Variants in CNTNAP2 observed in about 807,000 individuals in gnomAD.
CNTNAP2 encodes the protein contactin associated protein 2, also known as contactin-associated protein-like 2.
A neutral mutation model predicts 155.2 loss-of-function variants in CNTNAP2; 98 were observed. The observed-to-expected ratio is 0.63, with a 90% CI of 0.54 to 0.75. CNTNAP2 has a LOEUF of 0.75. CNTNAP2 is among the 30% of genes least tolerant of loss of function. The pLI is 0.00. For missense variants in CNTNAP2, 1,727 were observed against 1,688.1 expected (o/e 1.02, Z -0.40); for synonymous variants, 651 against 631.2 (o/e 1.03, Z -0.47).
intron 9 of CNTNAP2, among the ~76,000 whole-genome samples, chr7:147,362,482 C>T (rs73740611): frequency 6.6e-6 from 1 of 152,146 alleles, no homozygotes; most frequent in South Asian, 2.1e-4. Flanking sequence ...CACATAATGT[C>T]ACTTCCACCA....
intron 1 of CNTNAP2, among the ~76,000 whole-genome samples, chr7:146,725,347 G>A (rs781499409): frequency 1.3e-5 from 2 of 152,158 alleles, no homozygotes; most frequent in Non-Finnish European, 2.9e-5. Flanking sequence ...AATTATGGCA[G>A]TGAAAGAGAT....
chr7:146,849,439 C>T lies in CNTNAP2; in HGVS notation c.402+9535C>T, dbSNP rs187861331. Among the ~76,000 whole-genome samples the T allele has an allele frequency of 2.0e-5, 3 of 152,236 alleles. No individual in the cohort carries two copies. The East Asian group carries it at 5.8e-4, about 29-fold the overall frequency. On this transcript the variant is annotated intron_variant, in intron 3 of 23. Coordinates refer to ENST00000361727, the MANE Select transcript of CNTNAP2 (RefSeq NM_014141.6). Reference sequence around the variant, plus strand: ...CAAGAAGTTCCATTACTATAATGAACCCCTGCTCATTTTGAGTAATTGAAA... The same window carrying T: ...CAAGAAGTTCCATTACTATAATGAATCCCTGCTCATTTTGAGTAATTGAAA...
intron 1 of CNTNAP2, among the ~76,000 whole-genome samples, chr7:146,631,507 G>C (rs1350565704): frequency 6.6e-6 from 1 of 152,120 alleles, no homozygotes; most frequent in African/African-American, 2.4e-5. Context: ...CCTCTTCCAT[G>C]TGAGAGCCTT....
chr7:148,246,811 T>A (rs961423156), intron 20 of CNTNAP2, among the ~76,000 whole-genome samples: 36 of 152,340 alleles, frequency 2.4e-4, no homozygotes, highest in African/African-American at 7.7e-4. Context: ...TGCAGTTTCA[T>A]TTATTTAAAA....
At chr7:146,795,861 G>A (rs1380041880) in intron 2 of CNTNAP2, among the ~76,000 whole-genome samples, 1 of 152,178 alleles carries the variant, frequency 6.6e-6, no homozygotes, top group Non-Finnish European at 1.5e-5. Flanking sequence ...CAGAGAAGCA[G>A]TGTGTATTGT....
intron 4 of CNTNAP2, 152 bp from the exon 5 acceptor site, chr7:147,107,995 A>C (rs191610852): frequency 2.9e-6 from 2 of 683,960 alleles, no homozygotes; most frequent in Non-Finnish European, 4.9e-6. Flanking sequence ...AAACACAGTA[A>C]ATCAAAAGAA....
At chr7:148,171,584 T>C (rs1290747781) in intron 17 of CNTNAP2, among the ~76,000 whole-genome samples, 1 of 152,224 alleles carries the variant, frequency 6.6e-6, no homozygotes, top group Non-Finnish European at 1.5e-5. Context: ...ACAGTGAACG[T>C]GCTTATTGTG....
chr7:147,564,187 T>A (rs541257005), intron 12 of CNTNAP2, among the ~76,000 whole-genome samples: 2 of 151,948 alleles, frequency 1.3e-5, no homozygotes, highest in East Asian at 3.9e-4. Context: ...AAAATAGAAA[T>A]AAAAAAATAA....
intron 1 of CNTNAP2, among the ~76,000 whole-genome samples, chr7:146,406,483 C>G (rs1462123182): frequency 6.6e-6 from 1 of 152,124 alleles, no homozygotes; most frequent in African/African-American, 2.4e-5. Flanking sequence ...TTTCTTTCTT[C>G]CTGGTGTGGT....
intron 13 of CNTNAP2, among the ~76,000 whole-genome samples, chr7:147,866,839 C>A (rs946469032): frequency 6.6e-6 from 1 of 151,652 alleles, no homozygotes; most frequent in African/African-American, 2.4e-5. Flanking sequence ...AGCCTATGTA[C>A]GTCTTTGCAT....
At chr7:147,218,762 T>A (rs1283657933) in intron 8 of CNTNAP2, among the ~76,000 whole-genome samples, 2 of 152,186 alleles carry the variant, frequency 1.3e-5, no homozygotes. Flanking sequence ...TATTGCTAAG[T>A]TCAACTATGT....
intron 1 of CNTNAP2, among the ~76,000 whole-genome samples, chr7:146,603,344 G>A (rs181789510): frequency 4.0e-5 from 6 of 150,746 alleles, no homozygotes; most frequent in East Asian, 2.0e-4. Flanking sequence ...CCCAGGAGGC[G>A]GAACTTGCAG....
intron 14 of CNTNAP2, among the ~76,000 whole-genome samples, chr7:147,957,997 C>T (rs1227270317): frequency 6.6e-6 from 1 of 152,078 alleles, no homozygotes; most frequent in Non-Finnish European, 1.5e-5. Flanking sequence ...ATTGCTTGAG[C>T]CTTGGAGGTT....
rs74637949 is a variant in CNTNAP2, at chr7:148,245,233, G to A, written c.3381+15454G>A. ...GGCCTCTGCAAGCCCACAGACCTCT[G>A]GGCTAGCTACTCAGCAACTATGTGT... On this transcript the variant is annotated intron_variant, in intron 20 of 23. Transcript: ENST00000361727. Among the ~76,000 whole-genome samples, 322 of 152,224 alleles carry A rather than the reference G, an allele frequency of 2.1e-3. 1 individual carries two copies. Among genetic ancestry groups the A allele is most frequent in the African/African-American group, 7.5e-3 (312 of 41,518 alleles).
Position 147,538,862 on chromosome 7 carries a change from G to A in CNTNAP2, c.1778-23276G>A, listed in dbSNP as rs115641864. ...TATTGTTAAGGGAGAAAAGCATTAG[G>A]ACCCCTAGTAAGATGCTCCAGGGAG... On this transcript the variant is annotated intron_variant, in intron 11 of 23. Transcript: ENST00000361727. Among the ~76,000 whole-genome samples the A allele has an allele frequency of 6.2e-3, 942 of 152,028 alleles. 7 individuals are homozygous for A. The highest frequency in any genetic ancestry group is 0.022 in the African/African-American group (904 of 41,472).
intron 1 of CNTNAP2, among the ~76,000 whole-genome samples, chr7:146,583,424 G>C (rs1418491210): frequency 1.3e-5 from 2 of 152,120 alleles, no homozygotes; most frequent in Non-Finnish European, 2.9e-5. Context: ...GGGTTGAGGA[G>C]GGAATGAAGT....
At chr7:147,514,889 C>T (rs1799091388) in intron 11 of CNTNAP2, among the ~76,000 whole-genome samples, 1 of 152,150 alleles carries the variant, frequency 6.6e-6, no homozygotes, top group African/African-American at 2.4e-5. Flanking sequence ...CTTAGTCGAC[C>T]TACTTTCACC....
chr7:147,119,422 A>G (rs1284521542), intron 5 of CNTNAP2, among the ~76,000 whole-genome samples: 1 of 152,196 alleles, frequency 6.6e-6, no homozygotes, highest in Non-Finnish European at 1.5e-5. Flanking sequence ...ATCTACTGCC[A>G]TTCTTTAATG....
intron 13 of CNTNAP2, among the ~76,000 whole-genome samples, chr7:147,875,321 C>A (rs1416924193): frequency 6.6e-6 from 1 of 152,160 alleles, no homozygotes; most frequent in Non-Finnish European, 1.5e-5. Flanking sequence ...AAAGGAGGAG[C>A]AAAGTCATGT....
Sources: gnomAD v4.1 joint callset for allele counts (sites outside exome capture counted in the v4.1 genomes callset) on GRCh38, gnomAD v4.1.1 for gene constraint, MANE v1.5 for transcripts, NCBI Gene and HGNC (gene_info 2026-07-23, HGNC 2026-07-21) for gene names.